The following EPB41L4A variants were observed in gnomAD, a reference collection of about 807,000 sequenced individuals.
EPB41L4A encodes erythrocyte membrane protein band 4.1 like 4A, also known as band 4.1-like protein 4A.
EPB41L4A carries 100 observed loss-of-function variants against 108.6 expected under a neutral mutation model. The ratio of observed to expected loss-of-function variants is 0.92; its 90% CI spans 0.78 to 1.09. The LOEUF (loss-of-function observed/expected upper bound fraction) is 1.09, where lower values mean the gene tolerates loss of function less well. Ranked by LOEUF, EPB41L4A falls within the 50% of genes least tolerant of loss-of-function variation. The pLI is 0.00. For missense variants in EPB41L4A, 1,030 were observed against 842.7 expected (o/e 1.22, Z -2.75); for synonymous variants, 319 against 289.0 (o/e 1.10, Z -1.05).
chr5:112,210,829 G>A (rs1195000882), intron 12 of EPB41L4A, among the ~76,000 whole-genome samples: 3 of 151,918 alleles, frequency 2.0e-5, no homozygotes, highest in African/African-American at 7.3e-5. Flanking sequence ...ATGCACAGAT[G>A]CCCACAGGCC....
In EPB41L4A at chr5:112,206,655, A is replaced by G. The variant is rs1021736996; in HGVS notation, c.1179-1151T>C. 7.9e-5 allele frequency among the ~76,000 whole-genome samples: 12 copies of G among 152,214 alleles called. No individual in the cohort carries two copies. The East Asian group carries it at 2.3e-3, about 29-fold the overall frequency. The stretch of plus-strand genomic sequence containing the variant: ...AAGAGAAGGGAGAAGGGAGACTGGA[A>G]AAGAAATAGGGAGATAAAAGAGGAA... On this transcript the variant is annotated intron_variant, in intron 13 of 22. Coordinates refer to ENST00000261486, the MANE Select transcript of EPB41L4A (RefSeq NM_022140.5).
intron 1 of EPB41L4A, among the ~76,000 whole-genome samples, chr5:112,386,586 CA>C (rs1760545341): frequency 1.3e-5 from 2 of 152,100 alleles, no homozygotes; most frequent in Admixed American, 1.3e-4. Flanking sequence ...CTCTGATCTG[CA>C]AAAGATGTAA....
chr5:112,242,039 T>TGC (rs1245877970), intron 9 of EPB41L4A, among the ~76,000 whole-genome samples: 5 of 152,252 alleles, frequency 3.3e-5, no homozygotes, highest in African/African-American at 9.6e-5. Flanking sequence ...TGGAAGGTAC[T>TGC]GCCTCAATGT....
At chr5:112,291,547 C>T (rs917959632) in intron 2 of EPB41L4A, among the ~76,000 whole-genome samples, 3 of 152,172 alleles carry the variant, frequency 2.0e-5, no homozygotes, top group Admixed American at 2.0e-4. Flanking sequence ...CCTCCTTTCA[C>T]CTGCCCCTAG....
At chr5:112,251,497 T>C (rs1047209900) in intron 9 of EPB41L4A, among the ~76,000 whole-genome samples, 1 of 152,110 alleles carries the variant, frequency 6.6e-6, no homozygotes, top group Non-Finnish European at 1.5e-5. Context: ...CTAGGAGATA[T>C]TACTAAGTGG....
At chr5:112,208,755 G>A (rs1015356091) in intron 13 of EPB41L4A, among the ~76,000 whole-genome samples, 1 of 152,094 alleles carries the variant, frequency 6.6e-6, no homozygotes, top group Non-Finnish European at 1.5e-5. Context: ...TTTAAAAGGA[G>A]GATTGTACTC....
intron 17 of EPB41L4A, among the ~76,000 whole-genome samples, chr5:112,187,013 G>C (rs909231028): frequency 1.5e-4 from 23 of 152,200 alleles, no homozygotes; most frequent in Non-Finnish European, 7.4e-5. Context: ...GATCCAAATA[G>C]TTTTTTGCTC....
At position 112,313,858 on chromosome 5, in the gene EPB41L4A, C is replaced by CTTTTTT. The variant is rs1188991050; in HGVS notation, c.100-6374_100-6369dup. Among the ~76,000 whole-genome samples the CTTTTTT allele has an allele frequency of 4.7e-3, 422 of 89,450 alleles. 8 individuals are homozygous for CTTTTTT. The highest frequency in any genetic ancestry group is 0.015 in the East Asian group (43 of 2,826). 58.7% of individuals were successfully genotyped at this position (89,450 alleles called of 152,430 possible). On this transcript the variant is annotated intron_variant, in intron 1 of 22. Transcript: ENST00000261486. ...AACCGCTCCAAAAAAAGGTAACTTT[C>CTTTTTT]TTTTTTTTTTTTTTTTTTTTTTTGA...
chr5:112,398,700 G>C (rs892067474), intron 1 of EPB41L4A, among the ~76,000 whole-genome samples: 1 of 152,002 alleles, frequency 6.6e-6, no homozygotes, highest in African/African-American at 2.4e-5. Flanking sequence ...CTAGAAGGTG[G>C]GTTTTCTTTC....
At chr5:112,308,434 T>G (rs926617613) in intron 1 of EPB41L4A, among the ~76,000 whole-genome samples, 3 of 152,204 alleles carry the variant, frequency 2.0e-5, no homozygotes, top group Non-Finnish European at 4.4e-5. Context: ...GAGAAATGTT[T>G]TTATTAAATG....
chr5:112,310,182 G>T (rs1166835884), intron 1 of EPB41L4A, among the ~76,000 whole-genome samples: 1 of 152,146 alleles, frequency 6.6e-6, no homozygotes, highest in African/African-American at 2.4e-5. Flanking sequence ...AATAATACAG[G>T]CTGGTTCTTA....
chr5:112,287,931 T>TA (rs1561541836), intron 2 of EPB41L4A, among the ~76,000 whole-genome samples: 1 of 152,142 alleles, frequency 6.6e-6, no homozygotes, highest in Non-Finnish European at 1.5e-5. Flanking sequence ...AGAGATAAGC[T>TA]AAAAAGAAAG....
chr5:112,355,482 C>T (rs902076686), intron 1 of EPB41L4A, among the ~76,000 whole-genome samples: 1 of 152,164 alleles, frequency 6.6e-6, no homozygotes, highest in African/African-American at 2.4e-5. Flanking sequence ...TTCTGGAGCG[C>T]TAAATGTGTT....
At chr5:112,192,462 C>A (rs1408435729) in intron 17 of EPB41L4A, among the ~76,000 whole-genome samples, 1 of 152,120 alleles carries the variant, frequency 6.6e-6, no homozygotes, top group Admixed American at 6.5e-5. Flanking sequence ...ATTGTGAAGG[C>A]CTGTTGGATT....
chr5:112,318,638 C>T (rs931553378), intron 1 of EPB41L4A, among the ~76,000 whole-genome samples: 2 of 152,156 alleles, frequency 1.3e-5, no homozygotes, highest in African/African-American at 2.4e-5. Context: ...AAGCCTTGCT[C>T]ACTGTCCTGA....
chr5:112,255,088 CTCCCAGCTT>C (rs1750981294), intron 9 of EPB41L4A, among the ~76,000 whole-genome samples: 2 of 152,090 alleles, frequency 1.3e-5, no homozygotes, highest in Non-Finnish European at 2.9e-5. Context: ...CCCCCTAAAA[CTCCCAGCTT>C]TGGATCTCAT....
At chr5:112,346,295 G>A (rs1256141144) in intron 1 of EPB41L4A, among the ~76,000 whole-genome samples, 1 of 136,846 alleles carries the variant, frequency 7.3e-6, no homozygotes, top group Non-Finnish European at 1.5e-5. Flanking sequence ...GTGTGATCTC[G>A]GCTCACTGCA....
chr5:112,306,670 G>A (rs1754703154), intron 2 of EPB41L4A, among the ~76,000 whole-genome samples: 1 of 152,150 alleles, frequency 6.6e-6, no homozygotes, highest in Non-Finnish European at 1.5e-5. Flanking sequence ...GCATAATGAG[G>A]CTGTGCCTAT....
intron 1 of EPB41L4A, among the ~76,000 whole-genome samples, chr5:112,374,401 A>G (rs1298786561): frequency 6.6e-6 from 1 of 152,254 alleles, no homozygotes; most frequent in African/African-American, 2.4e-5. Context: ...AGAAATATCT[A>G]TAGTCAGGGG....
Sources: gnomAD v4.1 joint callset for allele counts (sites outside exome capture counted in the v4.1 genomes callset) on GRCh38, gnomAD v4.1.1 for gene constraint, MANE v1.5 for transcripts, NCBI Gene and HGNC (gene_info 2026-07-23, HGNC 2026-07-21) for gene names.